Variants in PPP2R3C observed in about 807,000 individuals in gnomAD.
The protein encoded by PPP2R3C is serine/threonine-protein phosphatase 2A regulatory subunit B'' subunit gamma.
Under a neutral mutation model 63.7 loss-of-function variants are expected in PPP2R3C, and 47 were observed. That is an observed-to-expected ratio of 0.74 (90% CI 0.58 to 0.94). The LOEUF (loss-of-function observed/expected upper bound fraction) is 0.94. PPP2R3C is among the 40% of genes least tolerant of loss of function. The pLI, the probability that PPP2R3C is intolerant of heterozygous loss-of-function variation, is 0.00. For synonymous variants in PPP2R3C, 180 were observed against 177.4 expected (o/e 1.01, Z -0.12); for missense variants, 421 against 518.4 (o/e 0.81, Z 1.82).
intron 6 of PPP2R3C, chr14:35,102,224 A>G (rs2143949): frequency 0.11 from 16,331 of 152,118 alleles, 1,087 homozygotes; most frequent in African/African-American, 0.19. Context: ...GGGTTTCGCC[A>G]TGTTGGCCAG....
intron 8 of PPP2R3C, 30 bp downstream of exon 8, chr14:35,096,679 G>A (rs1263926751): frequency 8.1e-6 from 13 of 1,608,896 alleles, no homozygotes; most frequent in Non-Finnish European, 1.0e-5. Context: ...ACTGTCAAGT[G>A]ATACAATTAA....
chr14:35,094,667 T>G (rs2045938580), intron 10 of PPP2R3C, among the ~76,000 whole-genome samples: 1 of 152,048 alleles, frequency 6.6e-6, no homozygotes. Flanking sequence ...TACACAGTGA[T>G]ATCAATAATG....
chr14:35,089,128 G>C (rs1249783751), intron 11 of PPP2R3C, among the ~76,000 whole-genome samples: 1 of 152,042 alleles, frequency 6.6e-6, no homozygotes, highest in African/African-American at 2.4e-5. Flanking sequence ...TTTAGAGATA[G>C]GGTCTTACTC....
At chr14:35,104,199 G>A (rs984065990) in intron 6 of PPP2R3C, among the ~76,000 whole-genome samples, 1 of 147,832 alleles carries the variant, frequency 6.8e-6, no homozygotes, top group Middle Eastern at 3.6e-3. Context: ...ACGAGTACCA[G>A]CAGGTGGCTA....
chr14:35,108,431 G>A (rs559521690), intron 4 of PPP2R3C, among the ~76,000 whole-genome samples, 195 bp from the exon 5 acceptor site: 10 of 151,224 alleles, frequency 6.6e-5, no homozygotes, highest in Non-Finnish European at 1.3e-4. Context: ...TTGGCCAGGC[G>A]CAGTGGCTCT....
chr14:35,116,483 G>T, intron 2 of PPP2R3C, 127 bp downstream of exon 2: 1 of 633,672 alleles, frequency 1.6e-6, no homozygotes, highest in Non-Finnish European at 2.4e-6. Context: ...TCAAATTCCT[G>T]GACTCAAGTG....
At chr14:35,112,451 C>A (rs2046591978) in intron 2 of PPP2R3C, among the ~76,000 whole-genome samples, 1 of 152,142 alleles carries the variant, frequency 6.6e-6, no homozygotes, top group Non-Finnish European at 1.5e-5. Context: ...CATCTTAGCC[C>A]CATTAAATTA....
At position 35,093,586 on chromosome 14, in the gene PPP2R3C, A is replaced by AC. The variant is rs147591920; in HGVS notation, c.975+1461dup. On this transcript the variant is annotated intron_variant, in intron 10 of 12. Transcript: ENST00000261475. ...ATTGAAGCTAAATGATAAATGTAAG[A>AC]CCCCCCCATTCTCATGACAATATGA... 0.026 allele frequency among the ~76,000 whole-genome samples: 3,870 copies of AC among 151,560 alleles called. 349 individuals are homozygous for AC. In the East Asian group the frequency reaches 0.34, roughly 13 times the overall value.
intron 10 of PPP2R3C, among the ~76,000 whole-genome samples, chr14:35,094,205 C>G (rs929064319): frequency 1.3e-5 from 2 of 152,174 alleles, no homozygotes; most frequent in Non-Finnish European, 2.9e-5. Context: ...TGGTCTCACT[C>G]TACTGCCCAG....
At chr14:35,096,889 G>A (rs2046017565) in intron 7 of PPP2R3C, 125 bp from the exon 8 acceptor site, 4 of 945,680 alleles carry the variant, frequency 4.2e-6, no homozygotes, top group Admixed American at 3.1e-5. Context: ...TAGCTCTTAT[G>A]CTCCAAAGTC....
At chr14:35,113,877 A>G (rs2046634032) in intron 2 of PPP2R3C, among the ~76,000 whole-genome samples, 1 of 152,024 alleles carries the variant, frequency 6.6e-6, no homozygotes, top group Non-Finnish European at 1.5e-5. Flanking sequence ...CCCCACCCTA[A>G]TATCAATTCC....
chr14:35,087,820 T>C, intron 12 of PPP2R3C, 131 bp downstream of exon 12: 2 of 686,348 alleles, frequency 2.9e-6, no homozygotes, highest in South Asian at 1.8e-5. Context: ...GATTTAAATA[T>C]CAGTTCAGAA....
intron 1 of PPP2R3C, among the ~76,000 whole-genome samples, chr14:35,118,600 T>C (rs2046771771): frequency 1.3e-5 from 2 of 152,018 alleles, no homozygotes; most frequent in South Asian, 4.2e-4. Flanking sequence ...ATGCAGTGGG[T>C]TTAAGAGTTA....
At chr14:35,105,704 C>T (rs2046330047) in intron 6 of PPP2R3C, among the ~76,000 whole-genome samples, 1 of 152,108 alleles carries the variant, frequency 6.6e-6, no homozygotes, top group Admixed American at 6.6e-5. Context: ...GTTCCCTTTG[C>T]TCTGCTGGAA....
intron 11 of PPP2R3C, among the ~76,000 whole-genome samples, chr14:35,090,259 T>G (rs2045759817): frequency 8.0e-6 from 1 of 124,306 alleles, no homozygotes; most frequent in Admixed American, 8.6e-5. Context: ...TTTTTTTTTT[T>G]GAGACCGAGT....
chr14:35,118,146 T>C (rs1448113585), intron 1 of PPP2R3C, among the ~76,000 whole-genome samples: 39 of 152,312 alleles, frequency 2.6e-4, no homozygotes. Flanking sequence ...CTGATGATTC[T>C]TGACAAGCAG....
rs2045562224 is a variant in PPP2R3C, at chr14:35,085,541, T to G, written c.*49A>C. On this transcript the variant is annotated 3_prime_UTR_variant, in exon 13 of 13. Coordinates refer to ENST00000261475, the MANE Select transcript of PPP2R3C (RefSeq NM_017917.4). The stretch of plus-strand genomic sequence containing the variant: ...AGGATTTTGCTTTAAAGGCTTTACA[T>G]GCAGCATTCAAGTATCTCATAATAT... The G allele has an allele frequency of 6.8e-7, 1 of 1,474,776 alleles. No individual in the cohort carries two copies. The highest frequency in any genetic ancestry group is 1.4e-5 in the South Asian group (1 of 73,192). The allele number at this position is 1,474,776 out of a possible 1,614,324, so 91.4% of individuals were successfully genotyped here.
At chr14:35,098,679 A>G (rs2046087258) in intron 7 of PPP2R3C, 1 of 152,300 alleles carries the variant, frequency 6.6e-6, no homozygotes, top group Non-Finnish European at 1.5e-5. Flanking sequence ...CAGAAGGACA[A>G]TCAGGCACTT....
intron 1 of PPP2R3C, among the ~76,000 whole-genome samples, chr14:35,119,264 C>T (rs1051672417): frequency 6.6e-6 from 1 of 152,264 alleles, no homozygotes; most frequent in Non-Finnish European, 1.5e-5. Flanking sequence ...TCTTGAACTC[C>T]TGACCTCAAG....
Sources: allele counts gnomAD v4.1 joint callset (sites outside exome capture counted in the v4.1 genomes callset), GRCh38; gene constraint gnomAD v4.1.1; transcripts MANE v1.5; gene names NCBI Gene and HGNC (gene_info 2026-07-23, HGNC 2026-07-21).